GRID2: variants seen among roughly 807,000 people sequenced by gnomAD.
GRID2 encodes the protein glutamate receptor ionotropic, delta-2.
GRID2 carries 33 observed loss-of-function variants against 114.8 expected under a neutral mutation model. The observed-to-expected ratio is 0.29, with a 90% CI of 0.22 to 0.38. The LOEUF is 0.38. Among genes scored for constraint, GRID2 ranks in the 10% least tolerant of loss-of-function variants. GRID2 has a pLI of 1.00. For synonymous variants in GRID2, 505 were observed against 449.9 expected, an observed-to-expected ratio of 1.12 and a Z score of -1.55; for missense variants, 1,184 against 1,257.7, an observed-to-expected ratio of 0.94 and a Z score of 0.89.
intron 2 of GRID2, among the ~76,000 whole-genome samples, chr4:92,814,035 A>G (rs113087661): frequency 1.4e-3 from 207 of 152,240 alleles, no homozygotes; most frequent in African/African-American, 4.9e-3. Context: ...CTATCTGAAA[A>G]AAAATGTCCT....
intron 4 of GRID2, among the ~76,000 whole-genome samples, chr4:93,157,674 G>A (rs1297810730): frequency 6.6e-6 from 1 of 151,668 alleles, no homozygotes; most frequent in East Asian, 1.9e-4. Context: ...AGGAAAGGAA[G>A]TATGTTCACC....
intron 1 of GRID2, among the ~76,000 whole-genome samples, chr4:92,527,389 A>T (rs1002298881): frequency 2.0e-5 from 3 of 152,148 alleles, no homozygotes; most frequent in African/African-American, 7.2e-5. Flanking sequence ...TATGTTTTAA[A>T]ATGATAATGG....
At chr4:93,550,392 A>G (rs1190741666) in intron 13 of GRID2, among the ~76,000 whole-genome samples, 1 of 152,240 alleles carries the variant, frequency 6.6e-6, no homozygotes, top group East Asian at 1.9e-4. Flanking sequence ...GCAGAATTTC[A>G]GAGAACTTCC....
At chr4:92,691,744 A>C (rs1216367361) in intron 2 of GRID2, among the ~76,000 whole-genome samples, 2 of 152,312 alleles carry the variant, frequency 1.3e-5, no homozygotes, top group South Asian at 4.1e-4. Context: ...TTTTTATTCT[A>C]AGCTGTTTTT....
intron 1 of GRID2, among the ~76,000 whole-genome samples, chr4:92,555,580 A>T (rs947517133): frequency 1.3e-5 from 2 of 151,956 alleles, no homozygotes; most frequent in African/African-American, 4.8e-5. Flanking sequence ...ATAGAGAAAA[A>T]CTTCCTAAAA....
chr4:93,676,753 C>T (rs990126635), intron 14 of GRID2, among the ~76,000 whole-genome samples: 8 of 114,092 alleles, frequency 7.0e-5, no homozygotes, highest in African/African-American at 2.5e-4. Flanking sequence ...AAAGATATTA[C>T]AAAAAAAAAA....
intron 4 of GRID2, among the ~76,000 whole-genome samples, chr4:93,186,928 A>C (rs1420468522): frequency 6.6e-6 from 1 of 152,212 alleles, no homozygotes; most frequent in Non-Finnish European, 1.5e-5. Context: ...TAAGAAGTCC[A>C]AAGTCAAGGC....
intron 4 of GRID2, among the ~76,000 whole-genome samples, chr4:93,163,615 G>A (rs1004482023): frequency 6.7e-6 from 1 of 150,126 alleles, no homozygotes; most frequent in East Asian, 2.0e-4. Context: ...TAAAAAAAGA[G>A]AAGTAGTTCA....
chr4:93,788,976 C>T, intron 1 of GRID2, among the ~76,000 whole-genome samples: 1 of 152,166 alleles, frequency 6.6e-6, no homozygotes, highest in Non-Finnish European at 1.5e-5. Flanking sequence ...AATGGAACAA[C>T]AAATCATTTT....
chr4:92,835,130 C>T (rs1022947396), intron 2 of GRID2, among the ~76,000 whole-genome samples: 1 of 150,206 alleles, frequency 6.7e-6, no homozygotes, highest in African/African-American at 2.5e-5. Flanking sequence ...GTAAAATTTA[C>T]TGTAAGGAGA....
At chr4:92,476,960 G>A (rs1379396431) in intron 1 of GRID2, among the ~76,000 whole-genome samples, 1 of 150,168 alleles carries the variant, frequency 6.7e-6, no homozygotes, top group Non-Finnish European at 1.5e-5. Context: ...ACAATGAAAT[G>A]AAGTTATTTA....
chr4:93,745,718 A>G (rs757088462), intron 14 of GRID2, among the ~76,000 whole-genome samples: 17 of 152,182 alleles, frequency 1.1e-4, no homozygotes, highest in Admixed American at 2.0e-4. Flanking sequence ...AAGTTTAACT[A>G]TCCAATTAAA....
At chr4:92,704,613 T>C (rs1244633828) in intron 2 of GRID2, among the ~76,000 whole-genome samples, 1 of 152,158 alleles carries the variant, frequency 6.6e-6, no homozygotes, top group African/African-American at 2.4e-5. Flanking sequence ...ATTGTATAGA[T>C]GATGGAGACC....
chr4:92,872,990 A>T (rs1449912596), intron 2 of GRID2, among the ~76,000 whole-genome samples: 1 of 152,246 alleles, frequency 6.6e-6, no homozygotes, highest in South Asian at 2.1e-4. Context: ...AACATGGTGG[A>T]TTAGTACCCA....
At chr4:92,392,999 A>C (rs1274906366) in intron 1 of GRID2, among the ~76,000 whole-genome samples, 1 of 152,178 alleles carries the variant, frequency 6.6e-6, no homozygotes, top group Non-Finnish European at 1.5e-5. Context: ...TCTACAGGCT[A>C]TACAGGAAGC....
rs563315768 is a variant in GRID2 at position 93,199,526 on chromosome 4, C to T, written c.736-7878C>T. On this transcript the variant is annotated intron_variant, in intron 4 of 15. Coordinates refer to ENST00000282020, the MANE Select transcript of GRID2 (RefSeq NM_001510.4). ...GCAGTAACAATAAATCTAGCATATCCGTTTATGAAATAACTTTGGCAGTAA... is the reference window on the plus strand; with the variant it reads ...GCAGTAACAATAAATCTAGCATATCTGTTTATGAAATAACTTTGGCAGTAA... Among the ~76,000 whole-genome samples the T allele has an allele frequency of 2.1e-4, 32 of 152,216 alleles. 1 individual carries two copies. The South Asian group carries it at 6.6e-3, about 32-fold the overall frequency.
chr4:93,243,647 A>G (rs1297238273), intron 8 of GRID2, among the ~76,000 whole-genome samples: 1 of 152,078 alleles, frequency 6.6e-6, no homozygotes, highest in Non-Finnish European at 1.5e-5. Flanking sequence ...ATTTTGGACT[A>G]GTCTTTGCTC....
chr4:92,306,560 C>A (rs1030454380), intron 1 of GRID2, among the ~76,000 whole-genome samples: 6 of 152,012 alleles, frequency 3.9e-5, no homozygotes, highest in Admixed American at 3.3e-4. Flanking sequence ...GATGTAGGCT[C>A]CTCATCTCTC....
chr4:93,198,217 A>C (rs1285572795), intron 4 of GRID2, among the ~76,000 whole-genome samples: 1 of 152,212 alleles, frequency 6.6e-6, no homozygotes, highest in Non-Finnish European at 1.5e-5. Context: ...TACTACCATG[A>C]AGCTTATTCT....
Sources: gnomAD v4.1 joint callset for allele counts (sites outside exome capture counted in the v4.1 genomes callset) on GRCh38, gnomAD v4.1.1 for gene constraint, MANE v1.5 for transcripts, NCBI Gene and HGNC (gene_info 2026-07-23, HGNC 2026-07-21) for gene names.